The following ANKRD30BL variants were observed in gnomAD, a reference collection of about 807,000 sequenced individuals.
The protein encoded by ANKRD30BL is ankyrin repeat domain 30B like.
ANKRD30BL carries 20 observed loss-of-function variants against 18.4 expected under a neutral mutation model. The observed-to-expected ratio is 1.09, with a 90% CI of 0.77 to 1.58. The LOEUF is 1.58. Ranked by LOEUF, ANKRD30BL falls within the 40% of genes most tolerant of loss-of-function variation. The pLI is 0.00. For synonymous variants in ANKRD30BL, 72 were observed against 100.9 expected (o/e 0.71, Z 1.72); for missense variants, 224 against 268.6 (o/e 0.83, Z 1.16).
chr2:132,224,509 T>A (rs1276450110), intron 1 of ANKRD30BL, among the ~76,000 whole-genome samples: 1 of 151,828 alleles, frequency 6.6e-6, no homozygotes, highest in Non-Finnish European at 1.5e-5. Context: ...TCTCAGAAAC[T>A]TCTTTGTGAT....
chr2:132,215,083 A>G (rs1444249857), intron 1 of ANKRD30BL, among the ~76,000 whole-genome samples: 6 of 151,970 alleles, frequency 3.9e-5, no homozygotes, highest in Admixed American at 6.6e-5. Context: ...AGAGAGTTGA[A>G]CCTTTGTTTT....
chr2:132,222,961 G>A (rs1411498146), intron 1 of ANKRD30BL, among the ~76,000 whole-genome samples: 3 of 149,268 alleles, frequency 2.0e-5, no homozygotes, highest in East Asian at 4.1e-4. Context: ...CTAGACAGAA[G>A]TATTCTCAGA....
At chr2:132,187,725 T>A (rs1280694215) in intron 1 of ANKRD30BL, among the ~76,000 whole-genome samples, 1 of 152,114 alleles carries the variant, frequency 6.6e-6, no homozygotes, top group African/African-American at 2.4e-5. Context: ...TAAGTGAATC[T>A]ACTTAAACAT....
At chr2:132,254,276 C>T (rs553685393) in intron 1 of ANKRD30BL, among the ~76,000 whole-genome samples, 5 of 152,276 alleles carry the variant, frequency 3.3e-5, no homozygotes, top group East Asian at 3.9e-4. Flanking sequence ...CCCATGCATG[C>T]GCCACAGGGG....
chr2:132,163,924 T>A (rs1391991310), upstream of ANKRD30BL, among the ~76,000 whole-genome samples: 6 of 152,386 alleles, frequency 3.9e-5, no homozygotes, highest in Middle Eastern at 3.4e-3. Context: ...AATGTGTGTA[T>A]ACAAAGCTGT....
At chr2:132,195,308 C>T (rs1261186656) in intron 1 of ANKRD30BL, among the ~76,000 whole-genome samples, 2 of 152,052 alleles carry the variant, frequency 1.3e-5, no homozygotes, top group Non-Finnish European at 2.9e-5. Flanking sequence ...GAGAACTTCT[C>T]ATTCAAGGTG....
chr2:132,237,320 G>A (rs967762591), intron 1 of ANKRD30BL, among the ~76,000 whole-genome samples: 2 of 152,040 alleles, frequency 1.3e-5, no homozygotes, highest in African/African-American at 4.8e-5. Context: ...AAACTACTTT[G>A]TGATGGGTGT....
intron 1 of ANKRD30BL, among the ~76,000 whole-genome samples, chr2:132,213,090 A>G (rs1264436220): frequency 6.6e-6 from 1 of 151,196 alleles, no homozygotes; most frequent in African/African-American, 2.4e-5. Flanking sequence ...CCCTCTTTTT[A>G]TAGGAGCAGC....
intron 1 of ANKRD30BL, among the ~76,000 whole-genome samples, chr2:132,196,136 C>T (rs1185782709): frequency 2.2e-5 from 3 of 136,078 alleles, no homozygotes; most frequent in Non-Finnish European, 4.6e-5. Context: ...AGCTAGAGTC[C>T]ATCTCAAAAA....
intron 1 of ANKRD30BL, among the ~76,000 whole-genome samples, chr2:132,172,765 T>C (rs1688304257): frequency 6.6e-6 from 1 of 151,868 alleles, no homozygotes; most frequent in Non-Finnish European, 1.5e-5. Context: ...TGGAGTGCAG[T>C]GGCACAATCT....
intron 1 of ANKRD30BL, among the ~76,000 whole-genome samples, chr2:132,203,781 C>G (rs1468633217): frequency 6.6e-6 from 1 of 151,968 alleles, no homozygotes; most frequent in African/African-American, 2.4e-5. Flanking sequence ...TTCTTTCTCA[C>G]AATAATTAAT....
chr2:132,220,449 A>C (rs1332170367), intron 1 of ANKRD30BL, among the ~76,000 whole-genome samples: 6 of 151,514 alleles, frequency 4.0e-5, no homozygotes, highest in African/African-American at 1.5e-4. Flanking sequence ...ATCTCGGCTC[A>C]CTGCAACCTC....
intron 1 of ANKRD30BL, among the ~76,000 whole-genome samples, chr2:132,181,151 G>A (rs1241481874): frequency 2.0e-5 from 3 of 151,376 alleles, no homozygotes; most frequent in Admixed American, 6.6e-5. Flanking sequence ...CTCAAAAAAA[G>A]AAAAAAGAAT....
chr2:132,239,096 C>G (rs537583064), intron 1 of ANKRD30BL, among the ~76,000 whole-genome samples: 1 of 151,836 alleles, frequency 6.6e-6, no homozygotes, highest in African/African-American at 2.4e-5. Context: ...ACATTTGGAG[C>G]GCTTTAGCGC....
At chr2:132,236,386 G>A (rs1231881572) in intron 1 of ANKRD30BL, among the ~76,000 whole-genome samples, 7 of 151,928 alleles carry the variant, frequency 4.6e-5, no homozygotes, top group East Asian at 1.9e-4. Flanking sequence ...CTGACAAAGG[G>A]CTAATATCCA....
chr2:132,254,557 C>T (rs74977406), intron 1 of ANKRD30BL, among the ~76,000 whole-genome samples: 1 of 152,196 alleles, frequency 6.6e-6, no homozygotes, highest in Admixed American at 6.5e-5. Flanking sequence ...ATGACCAGCA[C>T]TTACTGGGAA....
intron 3 of ANKRD30BL, chr2:132,155,894 T>A (rs1687889728): frequency 1.7e-5 from 2 of 120,694 alleles, no homozygotes; most frequent in South Asian, 5.0e-4. Flanking sequence ...CGAGGCTCCG[T>A]CTCAAAAAAA....
chr2:132,164,728 T>G (rs1264062955), upstream of ANKRD30BL, among the ~76,000 whole-genome samples: 1 of 152,180 alleles, frequency 6.6e-6, no homozygotes, highest in African/African-American at 2.4e-5. Flanking sequence ...CCTACTTTGT[T>G]GTTGTTGTTG....
At chr2:132,196,509 C>A (rs1313862228) in intron 1 of ANKRD30BL, among the ~76,000 whole-genome samples, 2 of 152,084 alleles carry the variant, frequency 1.3e-5, no homozygotes, top group African/African-American at 4.8e-5. Flanking sequence ...TAAAAGCAGC[C>A]AGGCGTGGTG....
Sources: gnomAD v4.1 joint callset for allele counts (sites outside exome capture counted in the v4.1 genomes callset) on GRCh38, gnomAD v4.1.1 for gene constraint, MANE v1.5 for transcripts, NCBI Gene and HGNC (gene_info 2026-07-23, HGNC 2026-07-21) for gene names.